SLC17A6: variants seen among roughly 807,000 people sequenced by gnomAD.
SLC17A6 encodes the protein solute carrier family 17 member 6, also known as vesicular glutamate transporter 2.
A neutral mutation model predicts 67.1 loss-of-function variants in SLC17A6; 35 were observed. The ratio of observed to expected loss-of-function variants is 0.52; its 90% CI spans 0.40 to 0.69. SLC17A6 has a LOEUF of 0.69. Ranked by LOEUF, SLC17A6 falls within the 30% of genes least tolerant of loss-of-function variation. The pLI, the probability that SLC17A6 is intolerant of heterozygous loss-of-function variation, is 0.00. For missense variants in SLC17A6, 588 were observed against 723.9 expected (o/e 0.81, Z 2.15); for synonymous variants, 285 against 252.3 (o/e 1.13, Z -1.23).
chr11:22,373,844 T>G (rs1856200650), intron 8 of SLC17A6, among the ~76,000 whole-genome samples: 2 of 152,176 alleles, frequency 1.3e-5, no homozygotes, highest in Non-Finnish European at 2.9e-5. Flanking sequence ...TGTGATACCT[T>G]ACTATACACC....
At chr11:22,346,094 C>T (rs982292206) in intron 3 of SLC17A6, among the ~76,000 whole-genome samples, 1 of 152,118 alleles carries the variant, frequency 6.6e-6, no homozygotes, top group African/African-American at 2.4e-5. Flanking sequence ...CTATATTGAT[C>T]ACTTAAGAAT....
chr11:22,355,459 G>A (rs564764461), intron 3 of SLC17A6, among the ~76,000 whole-genome samples: 25 of 152,226 alleles, frequency 1.6e-4, no homozygotes, highest in African/African-American at 5.3e-4. Flanking sequence ...AACTTAGGTG[G>A]TTGTTAACCA....
intron 6 of SLC17A6, among the ~76,000 whole-genome samples, chr11:22,364,305 A>T (rs959451494): frequency 6.6e-6 from 1 of 152,130 alleles, no homozygotes; most frequent in Non-Finnish European, 1.5e-5. Flanking sequence ...ATAAAATTAC[A>T]ATATCTCTCA....
In SLC17A6 at chr11:22,341,515, C is replaced by G; in HGVS notation, c.87-13C>G. On this transcript the variant is annotated splice_polypyrimidine_tract_variant and intron_variant, in intron 1 of 11. Transcript: ENST00000263160. ...CCGCCAAGTCCTTGACTCGCCCCTG[C>G]TCTGCCGCGCAGGGTGCTGGAGAAG... The G allele has an allele frequency of 6.2e-7, 1 of 1,611,588 alleles. No homozygotes were observed. Among genetic ancestry groups the G allele is most frequent in the Non-Finnish European group, 8.5e-7 (1 of 1,179,002 alleles).
intron 3 of SLC17A6, among the ~76,000 whole-genome samples, chr11:22,357,503 G>T (rs1178008183): frequency 6.6e-6 from 1 of 152,182 alleles, no homozygotes; most frequent in Non-Finnish European, 1.5e-5. Flanking sequence ...AAATGCCAGA[G>T]ATGGTGCTAA....
intron 7 of SLC17A6, among the ~76,000 whole-genome samples, chr11:22,368,591 G>T (rs1856139020): frequency 6.6e-6 from 1 of 151,944 alleles, no homozygotes; most frequent in Non-Finnish European, 1.5e-5. Flanking sequence ...AAGTTCTTAG[G>T]AAAGATGATC....
At position 22,344,430 on chromosome 11, in the gene SLC17A6, C is replaced by T. The variant is rs535187095; in HGVS notation, c.458+1065C>T. Among the ~76,000 whole-genome samples, 6 of 152,126 alleles carry T rather than the reference C, an allele frequency of 3.9e-5. No homozygotes were observed. In the East Asian group the frequency reaches 5.8e-4, roughly 15 times the overall value. Reference sequence around the variant, plus strand: ...TGTCAATTACTATCCCTTTCACTAGCGGTGTCATTTCTGCCCAAGGCTTCT... The same window carrying T: ...TGTCAATTACTATCCCTTTCACTAGTGGTGTCATTTCTGCCCAAGGCTTCT... On this transcript the variant is annotated intron_variant, in intron 3 of 11. Coordinates refer to ENST00000263160, the MANE Select transcript of SLC17A6 (RefSeq NM_020346.3).
intron 1 of SLC17A6, among the ~76,000 whole-genome samples, chr11:22,339,092 TA>T (rs1855774063): frequency 1.8e-5 from 1 of 56,332 alleles, no homozygotes; most frequent in Non-Finnish European, 3.9e-5. Context: ...ATATATATGT[TA>T]TATATATATG....
At chr11:22,358,996 A>G (rs546019622) in intron 3 of SLC17A6, among the ~76,000 whole-genome samples, 5 of 152,212 alleles carry the variant, frequency 3.3e-5, no homozygotes, top group Non-Finnish European at 7.3e-5. Context: ...CTCTTCAGTT[A>G]TTACCAACTG....
At chr11:22,370,927 A>T (rs1255972804) in intron 8 of SLC17A6, among the ~76,000 whole-genome samples, 1 of 152,092 alleles carries the variant, frequency 6.6e-6, no homozygotes, top group Non-Finnish European at 1.5e-5. Flanking sequence ...TTATATAGGA[A>T]CTCGAAATTT....
intron 4 of SLC17A6, 50 bp from the exon 5 acceptor site, chr11:22,360,847 G>T: frequency 6.6e-7 from 1 of 1,522,176 alleles, no homozygotes; most frequent in Non-Finnish European, 9.1e-7. Context: ...ATACTAAAAA[G>T]ACTCTTGATC....
rs1855815345 is a variant in SLC17A6, at chr11:22,341,525, C to T, written c.87-3C>T. 6.2e-7 allele frequency: 1 copy of T among 1,612,684 alleles called. No individual in the cohort carries two copies. Among genetic ancestry groups the T allele is most frequent in the Non-Finnish European group, 8.5e-7 (1 of 1,179,544 alleles). ...CTTGACTCGCCCCTGCTCTGCCGCG[C>T]AGGGTGCTGGAGAAGAAGCAAGACA... On this transcript the variant is annotated splice_polypyrimidine_tract_variant and splice_region_variant and intron_variant, in intron 1 of 11. Transcript: ENST00000263160.
intron 3 of SLC17A6, among the ~76,000 whole-genome samples, chr11:22,345,477 AT>A (rs967608089): frequency 3.3e-5 from 5 of 152,086 alleles, no homozygotes; most frequent in Admixed American, 2.6e-4. Context: ...CCCCCAGCTA[AT>A]TTTTTTATAG....
At chr11:22,368,275 T>G (rs1273358958) in intron 7 of SLC17A6, among the ~76,000 whole-genome samples, 1 of 152,072 alleles carries the variant, frequency 6.6e-6, no homozygotes, top group Admixed American at 6.5e-5. Flanking sequence ...TATTCAAATT[T>G]ATTTTAAGCT....
chr11:22,366,110 G>A (rs936505572), intron 7 of SLC17A6, among the ~76,000 whole-genome samples: 2 of 151,792 alleles, frequency 1.3e-5, no homozygotes, highest in African/African-American at 2.4e-5. Context: ...AAGACCCCCC[G>A]GGTTGCTACC....
chr11:22,339,352 A>G (rs1022147991), intron 1 of SLC17A6, among the ~76,000 whole-genome samples: 1 of 151,554 alleles, frequency 6.6e-6, no homozygotes, highest in Non-Finnish European at 1.5e-5. Flanking sequence ...TGAGCCTGAA[A>G]CAATGTATAT....
chr11:22,343,168 G>A (rs1054415099), intron 2 of SLC17A6, 79 bp from the exon 3 acceptor site: 1 of 1,188,600 alleles, frequency 8.4e-7, no homozygotes, highest in Non-Finnish European at 1.2e-6. Context: ...GGGGCTTTTT[G>A]GCTTGTGAAC....
intron 3 of SLC17A6, 41 bp from the exon 4 acceptor site, chr11:22,359,372 G>A: frequency 1.6e-6 from 2 of 1,283,260 alleles, no homozygotes; most frequent in Non-Finnish European, 2.2e-6. Context: ...TATATAAGAT[G>A]CTGAATCATT....
intron 5 of SLC17A6, chr11:22,361,216 G>A: frequency 2.4e-6 from 1 of 425,202 alleles, no homozygotes; most frequent in Non-Finnish European, 4.2e-6. Context: ...TTTCATCTAG[G>A]ATTTCAAATA....
Sources: allele counts gnomAD v4.1 joint callset (sites outside exome capture counted in the v4.1 genomes callset), GRCh38; gene constraint gnomAD v4.1.1; transcripts MANE v1.5; gene names NCBI Gene and HGNC (gene_info 2026-07-23, HGNC 2026-07-21).